RPH3AL: variants seen among roughly 807,000 people sequenced by gnomAD.
RPH3AL encodes rabphilin 3A like (without C2 domains).
A neutral mutation model predicts 43.1 loss-of-function variants in RPH3AL; 38 were observed. The ratio of observed to expected loss-of-function variants is 0.88; its 90% CI spans 0.68 to 1.15. The LOEUF (loss-of-function observed/expected upper bound fraction) is 1.15. Among genes scored for constraint, RPH3AL ranks in the 50% most tolerant of loss-of-function variants. The probability of loss-of-function intolerance (pLI) is 0.00; values close to 1 mark genes in which losing one functional copy is unlikely to be tolerated. For synonymous variants in RPH3AL, 189 were observed against 176.3 expected, an observed-to-expected ratio of 1.07 and a Z score of -0.57; for missense variants, 462 against 423.2, an observed-to-expected ratio of 1.09 and a Z score of -0.81.
rs1598149556 is a variant in RPH3AL at position 331,969 on chromosome 17, G to T, written c.-37+1790C>A. ...CAGGGAAGGCAAACCCCCAAATTCA[G>T]GAGGGAGGATGGAATTGGCCTGGGG... On this transcript the variant is annotated intron_variant, in intron 2 of 9. Coordinates refer to ENST00000331302, the MANE Select transcript of RPH3AL (RefSeq NM_006987.4). The T allele has an allele frequency of 4.1e-6, 4 of 971,758 alleles. No individual in the cohort carries two copies. The South Asian group carries it at 5.5e-5, about 13-fold the overall frequency. 60.2% of individuals were successfully genotyped at this position (971,758 alleles called of 1,614,324 possible).
intron 5 of RPH3AL, among the ~76,000 whole-genome samples, chr17:309,937 C>T (rs543688732): frequency 9.9e-4 from 150 of 152,046 alleles, no homozygotes; most frequent in African/African-American, 3.3e-3. Flanking sequence ...CTCTAAGGGA[C>T]GTGGGCAAAA....
intron 1 of RPH3AL, among the ~76,000 whole-genome samples, chr17:345,668 CCCCA>C (rs1567541381): frequency 1.3e-5 from 1 of 75,204 alleles, no homozygotes; most frequent in Non-Finnish European, 3.6e-5. Context: ...CACGCGTGCT[CCCCA>C]TCTGCGCGCA....
intron 6 of RPH3AL, among the ~76,000 whole-genome samples, chr17:266,962 C>T (rs539875264): frequency 2.0e-5 from 3 of 152,340 alleles, no homozygotes; most frequent in Non-Finnish European, 4.4e-5. Context: ...TGGGACAGGT[C>T]GCCAAGCTTC....
chr17:266,203 G>GGTGTGTGTGTGTGT (rs35841649), intron 6 of RPH3AL, among the ~76,000 whole-genome samples: 7 of 148,706 alleles, frequency 4.7e-5, no homozygotes, highest in African/African-American at 1.7e-4. Context: ...AGGCCCCAGT[G>GGTGTGTGTGTGTGT]GTGTGTGTGT....
In RPH3AL at chr17:333,829, T is replaced by A; in HGVS notation, c.-107A>T. 1 of 159,882 alleles carries A rather than the reference T, an allele frequency of 6.3e-6. No homozygotes were observed. The highest frequency in any genetic ancestry group is 5.8e-5 in the Admixed American group (1 of 17,144). The allele number at this position is 159,882 out of a possible 1,614,324, so 9.9% of individuals were successfully genotyped here. A position where few individuals can be genotyped will look rare whatever the true frequency, so the allele number is the denominator to read the frequency against. ...GGCCTCATGCTTGCTGTCTCCAAAG[T>A]GCACGTACAAGTGTCCACTACACAA... On this transcript the variant is annotated 5_prime_UTR_variant, in exon 2 of 10. Transcript: ENST00000331302. This position sits in a 1 kb window ranked among gnomAD's most constrained non-coding sequence, Gnocchi z 4.5.
chr17:311,401 G>A (rs1216391881), intron 5 of RPH3AL, among the ~76,000 whole-genome samples: 1 of 152,066 alleles, frequency 6.6e-6, no homozygotes, highest in African/African-American at 2.4e-5. Context: ...CCCCTCCCCG[G>A]ATGCCCTTCC....
At chr17:230,050 G>A (rs993767735) in intron 7 of RPH3AL, among the ~76,000 whole-genome samples, 3 of 152,162 alleles carry the variant, frequency 2.0e-5, no homozygotes, top group Admixed American at 6.5e-5. Flanking sequence ...GGTACCTGGG[G>A]AGCGCTGCTT....
At chr17:310,270 C>T (rs1015166410) in intron 5 of RPH3AL, among the ~76,000 whole-genome samples, 2 of 152,146 alleles carry the variant, frequency 1.3e-5, no homozygotes, top group African/African-American at 2.4e-5. Flanking sequence ...GGCAGGCAGT[C>T]GAGGCATGCA....
chr17:305,759 C>T (rs1325003714), intron 5 of RPH3AL, among the ~76,000 whole-genome samples: 2 of 148,404 alleles, frequency 1.3e-5, no homozygotes, highest in African/African-American at 2.6e-5. Flanking sequence ...ACTCACATCA[C>T]TCAGTCATCC....
At chr17:286,356 C>T (rs978621682) in intron 5 of RPH3AL, among the ~76,000 whole-genome samples, 3 of 152,156 alleles carry the variant, frequency 2.0e-5, no homozygotes, top group Non-Finnish European at 4.4e-5. Flanking sequence ...CCTGTTTTCC[C>T]GCTACCAACC....
At chr17:332,087 G>A (rs916067615) in intron 2 of RPH3AL, 12 of 360,844 alleles carry the variant, frequency 3.3e-5, no homozygotes, top group South Asian at 1.7e-4. Context: ...GGACCTCTGC[G>A]GGGAGAAGAC....
At chr17:331,887 C>T in intron 2 of RPH3AL, 1 of 1,288,170 alleles carries the variant, frequency 7.8e-7, no homozygotes, top group Non-Finnish European at 1.0e-6. Flanking sequence ...TTGTCCTGGA[C>T]AAAAATTAAA....
intron 5 of RPH3AL, among the ~76,000 whole-genome samples, chr17:307,661 G>C (rs2043536233): frequency 6.6e-6 from 1 of 152,216 alleles, no homozygotes; most frequent in African/African-American, 2.4e-5. Context: ...TCTGGGCCTT[G>C]CCAGGGATCC....
chr17:318,334 C>T lies in RPH3AL; in HGVS notation c.351+1086G>A, dbSNP rs192191784. Among the ~76,000 whole-genome samples the T allele has an allele frequency of 3.0e-3, 451 of 152,244 alleles. 2 individuals are homozygous for T. The highest frequency in any genetic ancestry group is 0.01 in the African/African-American group (426 of 41,540). On this transcript the variant is annotated intron_variant, in intron 5 of 9. Transcript: ENST00000331302. Reference sequence around the variant, plus strand: ...AGGCAGAGGTTGCAGTGAGCCAAGACTGCACCATTTGCACTCCAGCCTGGG... The same window carrying T: ...AGGCAGAGGTTGCAGTGAGCCAAGATTGCACCATTTGCACTCCAGCCTGGG...
chr17:243,462 C>T (rs2041639406), intron 7 of RPH3AL, among the ~76,000 whole-genome samples: 1 of 146,300 alleles, frequency 6.8e-6, no homozygotes, highest in East Asian at 2.1e-4. Flanking sequence ...TGATTACCTT[C>T]CTCTATTGAC....
intron 5 of RPH3AL, among the ~76,000 whole-genome samples, chr17:316,906 A>C (rs1359565907): frequency 1.4e-5 from 2 of 139,318 alleles, no homozygotes; most frequent in African/African-American, 2.8e-5. Flanking sequence ...CCTGTGCTCC[A>C]CCTCCACTGA....
chr17:291,659 C>A (rs1319357459), intron 5 of RPH3AL, among the ~76,000 whole-genome samples: 1 of 152,174 alleles, frequency 6.6e-6, no homozygotes, highest in Non-Finnish European at 1.5e-5. Flanking sequence ...GAAACCAAAT[C>A]TTCAAAAGGG....
chr17:318,078 CCA>C (rs1224186324), intron 5 of RPH3AL, among the ~76,000 whole-genome samples: 3 of 152,094 alleles, frequency 2.0e-5, no homozygotes, highest in Non-Finnish European at 4.4e-5. Flanking sequence ...TATAATAACT[CCA>C]GTCTTAAAAC....
chr17:224,934 G>T (rs935996840), intron 7 of RPH3AL, among the ~76,000 whole-genome samples: 1 of 146,894 alleles, frequency 6.8e-6, no homozygotes, highest in Non-Finnish European at 1.5e-5. Context: ...TGGACACAGG[G>T]TGGGGAACAT....
Sources: gnomAD v4.1 joint callset for allele counts (sites outside exome capture counted in the v4.1 genomes callset) on GRCh38, gnomAD v4.1.1 for gene constraint, Gnocchi (gnomAD v3.1) non-coding constraint, MANE v1.5 for transcripts, NCBI Gene and HGNC (gene_info 2026-07-23, HGNC 2026-07-21) for gene names.